Variants in TESC observed in about 807,000 individuals in gnomAD.
TESC encodes the protein tescalcin.
TESC carries 19 observed loss-of-function variants against 31.0 expected under a neutral mutation model. That is an observed-to-expected ratio of 0.61 (90% confidence interval 0.43 to 0.90). The LOEUF is 0.90. Ranked by LOEUF, TESC falls within the 40% of genes least tolerant of loss-of-function variation. The pLI is 0.00. For missense variants in TESC, 248 were observed against 303.8 expected (o/e 0.82, Z 1.36); for synonymous variants, 109 against 114.8 (o/e 0.95, Z 0.32).
At chr12:117,073,228 G>C (rs553205431) in intron 2 of TESC, among the ~76,000 whole-genome samples, 5 of 152,252 alleles carry the variant, frequency 3.3e-5, no homozygotes, top group Admixed American at 6.5e-5. Context: ...TATAGCTCTA[G>C]GGGAAAACAT....
At chr12:117,098,381 T>C (rs560364157) in intron 1 of TESC, 1 of 152,920 alleles carries the variant, frequency 6.5e-6, no homozygotes, top group Non-Finnish European at 1.5e-5. Context: ...CAAAGCCGGT[T>C]TGCCCACACA....
intron 3 of TESC, among the ~76,000 whole-genome samples, chr12:117,055,095 C>A (rs1309381704): frequency 8.5e-5 from 13 of 152,208 alleles, no homozygotes. Flanking sequence ...CACACATCCC[C>A]TCAGTGCCCC....
In TESC at chr12:117,090,769, G is replaced by A. The variant is rs145571534; in HGVS notation, c.58+8456C>T. ...GGCAAGAACCCCCTTAGAACTACCA[G>A]GTGGGTGAGGCCTGCAAAGTGCTGG... On this transcript the variant is annotated intron_variant, in intron 1 of 7. Transcript: ENST00000335209. 3.5e-3 allele frequency among the ~76,000 whole-genome samples: 533 copies of A among 152,346 alleles called. 4 individuals carry two copies. Among genetic ancestry groups the A allele is most frequent in the African/African-American group, 0.012 (511 of 41,564 alleles).
In TESC at chr12:117,046,529, G is replaced by A. The variant is rs377694564; in HGVS notation, c.519+30C>T. 241 of 1,533,922 alleles carry A rather than the reference G, an allele frequency of 1.6e-4. 1 individual carries two copies. In the South Asian group the frequency reaches 2.5e-3, roughly 16 times the overall value. On this transcript the variant is annotated intron_variant, in intron 6 of 7. Transcript: ENST00000335209. ...AGACCATAAGCGGGAAAGGCACTGCGCGTCTCGGGAGGGCTGCAGGGGCGC... is the reference window on the plus strand; with the variant it reads ...AGACCATAAGCGGGAAAGGCACTGCACGTCTCGGGAGGGCTGCAGGGGCGC...
At chr12:117,096,319 G>C (rs1955394597) in intron 1 of TESC, among the ~76,000 whole-genome samples, 1 of 152,188 alleles carries the variant, frequency 6.6e-6, no homozygotes, top group Admixed American at 6.5e-5. Flanking sequence ...TCTCAGGGAA[G>C]ATTCCCAAGG....
At chr12:117,049,502 C>T (rs1954616282) in intron 3 of TESC, among the ~76,000 whole-genome samples, 1 of 152,204 alleles carries the variant, frequency 6.6e-6, no homozygotes, top group Non-Finnish European at 1.5e-5. Flanking sequence ...AATCCAGTAA[C>T]TCACTGAGTA....
intron 1 of TESC, among the ~76,000 whole-genome samples, chr12:117,096,183 G>C (rs1267661532): frequency 6.6e-6 from 1 of 152,154 alleles, no homozygotes; most frequent in African/African-American, 2.4e-5. Context: ...TCTCAGAAAG[G>C]GACCAAGCTG....
chr12:117,075,524 C>T (rs114838917), intron 1 of TESC, among the ~76,000 whole-genome samples, 184 bp from the exon 2 acceptor site: 2,314 of 152,098 alleles, frequency 0.015, 65 homozygotes, highest in African/African-American at 0.053. Flanking sequence ...CCGTTCTTCC[C>T]AGAAACAGCT....
At chr12:117,044,619 C>T (rs189707463) in intron 6 of TESC, among the ~76,000 whole-genome samples, 1 of 152,194 alleles carries the variant, frequency 6.6e-6, no homozygotes, top group Non-Finnish European at 1.5e-5. Flanking sequence ...GATCCACAGG[C>T]CGGCGCGACG....
At chr12:117,095,817 T>G (rs968841319) in intron 1 of TESC, among the ~76,000 whole-genome samples, 9 of 152,032 alleles carry the variant, frequency 5.9e-5, no homozygotes, top group African/African-American at 2.2e-4. Context: ...GAGTTCGAGG[T>G]TGCAGTGAGC....
rs763955929 is a variant in TESC, at chr12:117,099,273, C to A, written c.10G>T (p.Ala4Ser). The change falls in exon 1 of 8, where the codon GCC (alanine) becomes TCC (serine). Residue 4 changes from alanine to serine, a missense_variant. Physicochemically the swap from Ala to Ser is moderately conservative, Grantham distance 99. Transcript: ENST00000335209. MGA[A>S]HSASEEVREL... Reference sequence around the variant, plus strand: ...CGCACCTCCTCAGACGCGGAGTGGGCAGCGCCCATGGTGCCCGCGGCGGGG... The same window carrying A: ...CGCACCTCCTCAGACGCGGAGTGGGAAGCGCCCATGGTGCCCGCGGCGGGG... The A allele has an allele frequency of 6.9e-7, 1 of 1,455,606 alleles. No individual in the cohort carries two copies. Among genetic ancestry groups the A allele is most frequent in the Non-Finnish European group, 9.0e-7 (1 of 1,110,870 alleles). The allele number at this position is 1,455,606 out of a possible 1,614,324, so 90.2% of individuals were successfully genotyped here.
chr12:117,090,075 T>C (rs1340462346), intron 1 of TESC, among the ~76,000 whole-genome samples: 1 of 152,116 alleles, frequency 6.6e-6, no homozygotes, highest in Admixed American at 6.5e-5. Context: ...AACCTTATAT[T>C]TTACACACAG....
chr12:117,053,740 GCGCGCA>G (rs1173987914), intron 3 of TESC, among the ~76,000 whole-genome samples: 5 of 151,856 alleles, frequency 3.3e-5, no homozygotes, highest in Admixed American at 2.0e-4. Flanking sequence ...TCTCGCGTGC[GCGCGCA>G]CGCGCACACA....
In TESC at chr12:117,050,353, G is replaced by C. The variant is rs1186314085; in HGVS notation, c.210-1195C>G. Among the ~76,000 whole-genome samples the C allele has an allele frequency of 2.6e-5, 4 of 152,316 alleles. No individual in the cohort carries two copies. In the East Asian group the frequency reaches 7.7e-4, roughly 29 times the overall value. The stretch of plus-strand genomic sequence containing the variant: ...TTACAGAAAAGGTTTGCCAACCTCT[G>C]CTCGCTCTCACTAGTTCAAAATTTT... On this transcript the variant is annotated intron_variant, in intron 3 of 7. Coordinates refer to ENST00000335209, the MANE Select transcript of TESC (RefSeq NM_017899.4).
At chr12:117,043,061 AC>A (rs2135745045) in intron 6 of TESC, among the ~76,000 whole-genome samples, 1 of 152,112 alleles carries the variant, frequency 6.6e-6, no homozygotes, top group East Asian at 1.9e-4. Flanking sequence ...AGAACAAAAA[AC>A]AAAACCCAAC....
At chr12:117,064,378 G>A (rs190109165) in intron 2 of TESC, among the ~76,000 whole-genome samples, 1 of 152,162 alleles carries the variant, frequency 6.6e-6, no homozygotes, top group South Asian at 2.1e-4. Context: ...TTTGCTCCTG[G>A]CAAATGCCTC....
chr12:117,065,216 G>A (rs1448469883), intron 2 of TESC, among the ~76,000 whole-genome samples: 3 of 152,196 alleles, frequency 2.0e-5, no homozygotes, highest in Non-Finnish European at 4.4e-5. Context: ...AGTGAAGACA[G>A]ACACAGGGGA....
chr12:117,070,722 G>C (rs1455443341), intron 2 of TESC, among the ~76,000 whole-genome samples: 2 of 152,160 alleles, frequency 1.3e-5, no homozygotes, highest in Non-Finnish European at 2.9e-5. Flanking sequence ...GTAAAATGGG[G>C]AGAGTGAGCG....
chr12:117,080,339 G>A (rs759192520), intron 1 of TESC, among the ~76,000 whole-genome samples: 50 of 152,130 alleles, frequency 3.3e-4, no homozygotes, highest in Non-Finnish European at 6.5e-4. Flanking sequence ...GTGGTGGGGC[G>A]CACCTGTAAT....
Sources: allele counts gnomAD v4.1 joint callset (sites outside exome capture counted in the v4.1 genomes callset), GRCh38; gene constraint gnomAD v4.1.1; transcripts MANE v1.5; gene names NCBI Gene and HGNC (gene_info 2026-07-23, HGNC 2026-07-21).